Variants in ASTN2 observed in about 807,000 individuals in gnomAD.
ASTN2 encodes the protein astrotactin-2.
ASTN2 carries 54 observed loss-of-function variants against 139.8 expected under a neutral mutation model. That is an observed-to-expected ratio of 0.39 (90% confidence interval 0.31 to 0.48). The LOEUF (loss-of-function observed/expected upper bound fraction) is 0.48, where lower values mean the gene tolerates loss of function less well. Ranked by LOEUF, ASTN2 falls within the 20% of genes least tolerant of loss-of-function variation. The pLI is 0.95. For synonymous variants in ASTN2, 756 were observed against 719.5 expected (o/e 1.05, Z -0.81); for missense variants, 1,565 against 1,725.1 (o/e 0.91, Z 1.64).
intron 10 of ASTN2, among the ~76,000 whole-genome samples, chr9:116,931,540 AT>A (rs2132451867): frequency 6.6e-6 from 1 of 152,330 alleles, no homozygotes; most frequent in South Asian, 2.1e-4. Flanking sequence ...TGAGCAAAAG[AT>A]TTTAACTTCT....
chr9:116,995,104 GACC>G (rs1836977665), intron 7 of ASTN2, among the ~76,000 whole-genome samples: 1 of 152,160 alleles, frequency 6.6e-6, no homozygotes. Context: ...GCAAGCTCTT[GACC>G]ACCACAAGAT....
chr9:116,871,863 A>G (rs12002083), intron 10 of ASTN2, among the ~76,000 whole-genome samples: 5,719 of 152,254 alleles, frequency 0.038, 305 homozygotes, highest in African/African-American at 0.12. Context: ...TCAGCCCCTA[A>G]TAGCATGAGC....
intron 20 of ASTN2, among the ~76,000 whole-genome samples, chr9:116,468,505 C>T (rs1418704735): frequency 6.6e-6 from 1 of 152,138 alleles, no homozygotes; most frequent in Non-Finnish European, 1.5e-5. Context: ...CATCTCTCAC[C>T]CTCTGTTAAT....
intron 13 of ASTN2, among the ~76,000 whole-genome samples, chr9:116,775,106 T>C (rs1418259580): frequency 2.0e-5 from 3 of 152,044 alleles, no homozygotes; most frequent in African/African-American, 2.4e-5. Context: ...GGGAATGGAA[T>C]GGGATTCAGG....
At chr9:116,771,723 G>T (rs531776873) in intron 13 of ASTN2, among the ~76,000 whole-genome samples, 14 of 152,172 alleles carry the variant, frequency 9.2e-5, no homozygotes, top group Non-Finnish European at 1.5e-4. Context: ...AGGGCAAGAG[G>T]CCTCTCCAAG....
At chr9:116,541,785 T>A (rs1564356537) in intron 19 of ASTN2, among the ~76,000 whole-genome samples, 2 of 152,206 alleles carry the variant, frequency 1.3e-5, no homozygotes, top group African/African-American at 4.8e-5. Context: ...CAGCTCTCAA[T>A]AAAGACATCC....
chr9:117,170,258 C>T (rs1830760261), intron 3 of ASTN2, among the ~76,000 whole-genome samples: 1 of 152,052 alleles, frequency 6.6e-6, no homozygotes, highest in Non-Finnish European at 1.5e-5. Context: ...ACCTTCCAGC[C>T]ACTCCAAATA....
chr9:116,729,478 C>T (rs1237427834), intron 14 of ASTN2, among the ~76,000 whole-genome samples: 1 of 152,158 alleles, frequency 6.6e-6, no homozygotes, highest in African/African-American at 2.4e-5. Context: ...TTGTGAGGCT[C>T]AAGTAAGGTA....
intron 5 of ASTN2, among the ~76,000 whole-genome samples, chr9:117,079,304 T>G (rs571075466): frequency 4.7e-4 from 71 of 152,142 alleles, no homozygotes; most frequent in African/African-American, 1.6e-3. Flanking sequence ...TGGTGTGAGC[T>G]GCGATGGCAC....
intron 1 of ASTN2, among the ~76,000 whole-genome samples, chr9:117,404,698 A>G (rs1790368954): frequency 6.6e-6 from 1 of 152,178 alleles, no homozygotes; most frequent in Non-Finnish European, 1.5e-5. Flanking sequence ...GATAGCGGCT[A>G]CATCTCAGAC....
intron 13 of ASTN2, among the ~76,000 whole-genome samples, chr9:116,771,515 T>C (rs967613602): frequency 2.6e-4 from 40 of 152,186 alleles, no homozygotes; most frequent in African/African-American, 9.7e-4. Flanking sequence ...AGGAACAGCA[T>C]CCAATTTATG....
chr9:116,811,779 T>G (rs1174394946), intron 12 of ASTN2, among the ~76,000 whole-genome samples: 1 of 152,232 alleles, frequency 6.6e-6, no homozygotes, highest in Non-Finnish European at 1.5e-5. Context: ...ATTATTGTTA[T>G]TGTTGTTGTT....
chr9:116,499,859 A>C (rs936730989), intron 19 of ASTN2, among the ~76,000 whole-genome samples: 1 of 152,096 alleles, frequency 6.6e-6, no homozygotes, highest in Non-Finnish European at 1.5e-5. Context: ...CTACCTTCTT[A>C]TGAGATTCTG....
intron 17 of ASTN2, among the ~76,000 whole-genome samples, chr9:116,643,896 G>T (rs999414456): frequency 2.0e-5 from 3 of 152,156 alleles, no homozygotes; most frequent in African/African-American, 7.2e-5. Context: ...TGTAGCATAT[G>T]TAAGTAATTA....
At chr9:116,946,483 T>G (rs1835398411) in intron 10 of ASTN2, among the ~76,000 whole-genome samples, 1 of 152,206 alleles carries the variant, frequency 6.6e-6, no homozygotes, top group Non-Finnish European at 1.5e-5. Context: ...ATTGGTTTTC[T>G]GTAGCCAAAG....
intron 10 of ASTN2, among the ~76,000 whole-genome samples, chr9:116,914,050 G>T (rs903395758): frequency 6.7e-6 from 1 of 149,220 alleles, no homozygotes; most frequent in African/African-American, 2.5e-5. Context: ...ATGCAGAGGT[G>T]TGGAGCCTGG....
chr9:116,566,386 G>A (rs1024952508), intron 19 of ASTN2, among the ~76,000 whole-genome samples: 2 of 152,010 alleles, frequency 1.3e-5, no homozygotes, highest in Non-Finnish European at 2.9e-5. Flanking sequence ...AGCCTCCTTA[G>A]CCATCATCCC....
chr9:117,098,569 C>T (rs79280013), intron 4 of ASTN2, among the ~76,000 whole-genome samples: 4,847 of 152,186 alleles, frequency 0.032, 118 homozygotes, highest in Non-Finnish European at 0.049. Flanking sequence ...TTAGTGCACA[C>T]TTCCCCAATC....
At chr9:117,285,382 T>A (rs1652183867) in intron 2 of ASTN2, among the ~76,000 whole-genome samples, 1 of 150,908 alleles carries the variant, frequency 6.6e-6, no homozygotes, top group South Asian at 2.1e-4. Flanking sequence ...AATGATTAAA[T>A]CAATGAATGA....
Sources: gnomAD v4.1 joint callset for allele counts (sites outside exome capture counted in the v4.1 genomes callset) on GRCh38, gnomAD v4.1.1 for gene constraint, MANE v1.5 for transcripts, NCBI Gene and HGNC (gene_info 2026-07-23, HGNC 2026-07-21) for gene names.